CHLSN: variants seen among roughly 807,000 people sequenced by gnomAD.
CHLSN encodes the protein cholesin, also known as protein cholesin.
chr7:985,382 CAGG>C, the CHLSN span: 1 of 1,520,616 alleles, frequency 6.6e-7, no homozygotes, highest in Non-Finnish European at 8.8e-7. Flanking sequence ...GGGCGTGCAG[CAGG>C]AGGACGGGGG....
chr7:1,127,097 C>G, the CHLSN span, among the ~76,000 whole-genome samples: 4 of 152,200 alleles, frequency 2.6e-5, no homozygotes, highest in African/African-American at 9.6e-5. Context: ...CTTCTTTGTC[C>G]TACAATCGCT....
chr7:1,090,451 C>T, the CHLSN span, among the ~76,000 whole-genome samples: 1 of 148,404 alleles, frequency 6.7e-6, no homozygotes, highest in Non-Finnish European at 1.5e-5. Context: ...CCTCCCCACT[C>T]GCAGCAGGGC....
At chr7:1,106,113 C>T in the CHLSN span, among the ~76,000 whole-genome samples, 3 of 152,186 alleles carry the variant, frequency 2.0e-5, no homozygotes, top group African/African-American at 7.2e-5. Flanking sequence ...ATGCATCATG[C>T]AGATGCTGCA....
the CHLSN span, among the ~76,000 whole-genome samples, chr7:1,107,795 A>ACG: frequency 6.7e-6 from 1 of 150,262 alleles, no homozygotes; most frequent in East Asian, 2.1e-4. Context: ...GGAGTCCTGC[A>ACG]CCCCTGGAGG....
chr7:1,083,637 A>C, the CHLSN span, among the ~76,000 whole-genome samples: 6 of 147,728 alleles, frequency 4.1e-5, no homozygotes, highest in African/African-American at 7.8e-5. Flanking sequence ...CAAAAAAAAA[A>C]CAAAAAAAAC....
the CHLSN span, among the ~76,000 whole-genome samples, chr7:1,080,477 G>A: frequency 6.6e-6 from 1 of 152,320 alleles, no homozygotes; most frequent in Non-Finnish European, 1.5e-5. Flanking sequence ...ACGGTCCGGG[G>A]AGTCTGATCA....
chr7:1,030,670 G>A, the CHLSN span, among the ~76,000 whole-genome samples: 3 of 152,198 alleles, frequency 2.0e-5, no homozygotes, highest in Non-Finnish European at 4.4e-5. Flanking sequence ...ATAGGCTTGT[G>A]GCTTTGGGCA....
At chr7:1,083,310 T>A in the CHLSN span, among the ~76,000 whole-genome samples, 1 of 152,154 alleles carries the variant, frequency 6.6e-6, no homozygotes, top group Non-Finnish European at 1.5e-5. Context: ...AAATTCCGTC[T>A]TGTGAGGGAA....
At chr7:1,118,942 T>C in the CHLSN span, among the ~76,000 whole-genome samples, 2 of 151,436 alleles carry the variant, frequency 1.3e-5, no homozygotes, top group East Asian at 3.9e-4. Flanking sequence ...TGGAATACTA[T>C]GAGACTCTTA....
chr7:1,036,508 C>G, the CHLSN span, among the ~76,000 whole-genome samples: 1 of 150,270 alleles, frequency 6.7e-6, no homozygotes, highest in African/African-American at 2.5e-5. Flanking sequence ...GGTTCGGGTG[C>G]TCGTGGTGTG....
chr7:1,136,417 TATAA>T, the CHLSN span, among the ~76,000 whole-genome samples: 6 of 114,984 alleles, frequency 5.2e-5, 1 homozygote, highest in East Asian at 2.3e-4. Flanking sequence ...TAAACATATA[TATAA>T]ATATATATAA....
the CHLSN span, among the ~76,000 whole-genome samples, chr7:1,019,566 A>C: frequency 6.6e-6 from 1 of 152,204 alleles, no homozygotes. Context: ...GAGTCCAAGA[A>C]GGCAAACCAC....
the CHLSN span, chr7:1,023,058 C>A: frequency 1.3e-5 from 6 of 447,136 alleles, no homozygotes; most frequent in East Asian, 7.1e-5. The surrounding 1 kb of genome is among the most constrained non-coding windows in gnomAD (Gnocchi z 5.0). Context: ...TTCCTGCCAC[C>A]CCTGCAGAGC....
At chr7:1,122,371 G>A in the CHLSN span, among the ~76,000 whole-genome samples, 1 of 152,236 alleles carries the variant, frequency 6.6e-6, no homozygotes, top group Admixed American at 6.5e-5. Flanking sequence ...ACTGACAGCA[G>A]CAGGGAGGCG....
chr7:1,020,420 A>T, the CHLSN span, among the ~76,000 whole-genome samples: 1 of 152,064 alleles, frequency 6.6e-6, no homozygotes, highest in Non-Finnish European at 1.5e-5. Context: ...GGAGCCCCCT[A>T]GGTTCGCTTC....
chr7:982,705 G>C, the CHLSN span, among the ~76,000 whole-genome samples: 1 of 152,248 alleles, frequency 6.6e-6, no homozygotes, highest in Non-Finnish European at 1.5e-5. Flanking sequence ...CCCTTGCCCC[G>C]TGGGGAGCTG....
chr7:1,075,198 C>G, the CHLSN span, among the ~76,000 whole-genome samples: 2 of 152,144 alleles, frequency 1.3e-5, no homozygotes, highest in African/African-American at 2.4e-5. Flanking sequence ...TGAGCAATGA[C>G]AAGCTAGACG....
At chr7:1,040,933 T>C in the CHLSN span, among the ~76,000 whole-genome samples, 1 of 152,180 alleles carries the variant, frequency 6.6e-6, no homozygotes, top group African/African-American at 2.4e-5. Context: ...GCTCCGTGAG[T>C]GAGTGGCTGC....
the CHLSN span, among the ~76,000 whole-genome samples, chr7:978,283 C>T: frequency 3.9e-5 from 6 of 152,122 alleles, no homozygotes; most frequent in African/African-American, 1.4e-4. Flanking sequence ...TCTGGGAAGC[C>T]GAGGTGGGCG....
Sources: allele counts gnomAD v4.1 joint callset (sites outside exome capture counted in the v4.1 genomes callset), GRCh38; gene constraint gnomAD v4.1.1; non-coding constraint Gnocchi (gnomAD v3.1); transcripts MANE v1.5; gene names NCBI Gene and HGNC (gene_info 2026-07-23, HGNC 2026-07-21).